Variants in DDX18 observed in about 807,000 individuals in gnomAD.
DDX18 encodes the protein ATP-dependent RNA helicase DDX18.
DDX18 carries 23 observed loss-of-function variants against 73.5 expected under a neutral mutation model. The observed-to-expected ratio is 0.31, with a 90% CI of 0.23 to 0.44. The LOEUF (loss-of-function observed/expected upper bound fraction) is 0.44, where lower values mean the gene tolerates loss of function less well. Among genes scored for constraint, DDX18 ranks in the 20% least tolerant of loss-of-function variants. DDX18 has a pLI of 1.00. For synonymous variants in DDX18, 268 were observed against 282.7 expected (o/e 0.95, Z 0.52); for missense variants, 753 against 792.9 (o/e 0.95, Z 0.60).
Position 117,826,319 on chromosome 2 carries a change from G to T in DDX18, c.1572G>T (p.Gly524=). Residue 524 remains glycine, a synonymous_variant, in exon 11 of 14, where the codon GGG becomes GGT. Transcript: ENST00000263239. ...CAGCCAGAGGCCTAAATGGGAGAGG[G>T]CATGCCTTGCTCATTTTGCGCCCAG... The part of the protein sequence containing the change: ...GRTARGLNGR[G]HALLILRPEE... The T allele has an allele frequency of 1.9e-6, 3 of 1,614,038 alleles. No individual in the cohort carries two copies. The highest frequency in any genetic ancestry group is 1.7e-6 in the Non-Finnish European group (2 of 1,180,002).
chr2:117,829,408 A>C lies in DDX18; in HGVS notation c.1812A>C (p.Leu604=). 3 of 1,614,070 alleles carry C rather than the reference A, an allele frequency of 1.9e-6. No individual in the cohort carries two copies. The South Asian group carries it at 3.3e-5, about 18-fold the overall frequency. ...AACAGATCTTTAATGTTAATAACCT[A>C]AATTTGCCTCAGGTTGCTCTGTCAT... ...SLKQIFNVNN[L]NLPQVALSFG... The change falls in exon 13 of 14, where the codon CTA becomes CTC. Residue 604 remains leucine, a synonymous_variant. Transcript: ENST00000263239.
chr2:117,830,166 G>A (rs1679997268), intron 13 of DDX18, among the ~76,000 whole-genome samples: 1 of 152,182 alleles, frequency 6.6e-6, no homozygotes, highest in Non-Finnish European at 1.5e-5. Context: ...TGTATGTCGA[G>A]TCCTGTGGAA....
intron 5 of DDX18, 54 bp downstream of exon 5, chr2:117,821,804 C>G: frequency 6.2e-7 from 1 of 1,612,966 alleles, no homozygotes; most frequent in Non-Finnish European, 8.5e-7. Flanking sequence ...TTTATTGTAG[C>G]TGTTACGGAC....
chr2:117,820,624 G>C (rs1177623248), intron 3 of DDX18, among the ~76,000 whole-genome samples: 1 of 152,220 alleles, frequency 6.6e-6, no homozygotes, highest in Non-Finnish European at 1.5e-5. Context: ...TACACCCTGG[G>C]CATGTGGAGT....
In DDX18 at chr2:117,821,192, A is replaced by G. The variant is rs775266032; in HGVS notation, c.546A>G (p.Leu182=). The G allele has an allele frequency of 1.9e-6, 3 of 1,606,276 alleles. No homozygotes were observed. Among genetic ancestry groups the G allele is most frequent in the African/African-American group, 2.7e-5 (2 of 74,670 alleles). The change falls in exon 4 of 14, where the codon CTA becomes CTG. Residue 182 remains leucine, a synonymous_variant. Coordinates refer to ENST00000263239, the MANE Select transcript of DDX18 (RefSeq NM_006773.4). ...TTGAGGATACTTCGTTTGCTTCTCT[A>G]TGTAATCTTGTCAATGAAAACACTC... is the stretch of plus-strand genomic sequence containing the variant. ...GAFEDTSFAS[L]CNLVNENTLK... is the part of the protein sequence containing the mutation.
chr2:117,826,731 A>T (rs1458724050), intron 11 of DDX18: 3 of 241,254 alleles, frequency 1.2e-5, no homozygotes, highest in Non-Finnish European at 2.5e-5. Flanking sequence ...CCTCATGTGA[A>T]GCAGTGGGGA....
chr2:117,828,949 GT>G lies in DDX18; in HGVS notation c.1638del (p.Pro547HisfsTer2). The G allele has an allele frequency of 1.9e-6, 3 of 1,601,708 alleles. No homozygotes were observed. Among genetic ancestry groups the G allele is most frequent in the Non-Finnish European group, 2.6e-6 (3 of 1,169,148 alleles). On this transcript the variant is annotated frameshift_variant and splice_region_variant, in exon 12 of 14. Transcript: ENST00000263239. LOFTEE classifies it high-confidence loss of function. ...GFLRYLKQSK[V>X]PLSEFDFSWS... ...TAATCTTAATACTTTTGATTTCTAG[GT>G]TCCATTAAGTGAATTTGACTTTTCC... is the stretch of plus-strand genomic sequence containing the variant.
In DDX18 at chr2:117,817,507, G is replaced by A. The variant is rs907003987; in HGVS notation, c.149G>A (p.Ser50Asn). Residue 50 changes from serine to asparagine, a missense_variant, in exon 2 of 14, where the codon AGT becomes AAT. By Grantham distance (46) the Ser-to-Asn change is conservative. This residue lies in a region of DDX18 where 345 missense variants were observed against 352.0 expected (regional missense o/e 0.98). Coordinates refer to ENST00000263239, the MANE Select transcript of DDX18 (RefSeq NM_006773.4). ...NGDVSEETMG[S>N]RKVKKSKQKP... The stretch of plus-strand genomic sequence containing the variant: ...GATGTATCTGAAGAAACAATGGGAA[G>A]TAGAAAGGTTAAAAAATCAAAACAA... 3.1e-6 allele frequency: 5 copies of A among 1,613,620 alleles called. No homozygotes were observed.
intron 4 of DDX18, 76 bp from the exon 5 acceptor site, chr2:117,821,574 G>A: frequency 6.7e-7 from 1 of 1,496,532 alleles, no homozygotes. Context: ...TAGCCGTAGT[G>A]CCTAAGGTGT....
At chr2:117,829,059 G>C in intron 12 of DDX18, 54 bp downstream of exon 12, 1 of 1,460,412 alleles carries the variant, frequency 6.8e-7, no homozygotes, top group Non-Finnish European at 9.6e-7. Context: ...CCAGCACTCT[G>C]TTTGTAGTGA....
rs141279997 is a variant in DDX18 at position 117,817,581 on chromosome 2, CAAG to C, written c.227_229del (p.Glu76del). 1,166 of 1,613,902 alleles carry C rather than the reference CAAG, an allele frequency of 7.2e-4. 15 individuals carry two copies. In the East Asian group the frequency reaches 0.018, roughly 26 times the overall value. On this transcript the variant is annotated inframe_deletion, in exon 2 of 14. Coordinates refer to ENST00000263239, the MANE Select transcript of DDX18 (RefSeq NM_006773.4). ...AGAAACTCAAAATGGAGGCATGTCT[CAAG>C]AAGCAGTGGGAAATATAAAAGTTAC...
intron 11 of DDX18, chr2:117,826,725 A>C: frequency 4.1e-6 from 1 of 246,828 alleles, no homozygotes. Flanking sequence ...CTCTTACCTC[A>C]TGTGAAGCAG....
chr2:117,821,941 C>T lies in DDX18; in HGVS notation c.831C>T (p.His277=), dbSNP rs1310142356. Residue 277 remains histidine (H), a synonymous_variant, in exon 6 of 14, where the codon CAC becomes CAT. Transcript: ENST00000263239. The part of the protein sequence containing the change: ...TFGVLKELMT[H]HVHTYGLIMG... ...GTGTTCTTAAGGAGCTGATGACTCA[C>T]CACGTGCATACCTATGGCTTGATAA... The T allele has an allele frequency of 6.2e-7, 1 of 1,614,068 alleles. No homozygotes were observed. Among genetic ancestry groups the T allele is most frequent in the Non-Finnish European group, 8.5e-7 (1 of 1,179,952 alleles).
Position 117,829,274 on chromosome 2 carries a change from TTC to T in DDX18, c.1693-13_1693-12del, listed in dbSNP as rs1175848730. 6.4e-7 allele frequency: 1 copy of T among 1,573,526 alleles called. No individual in the cohort carries two copies. Among genetic ancestry groups the T allele is most frequent in the Admixed American group, 2.0e-5 (1 of 50,472 alleles). On this transcript the variant is annotated splice_polypyrimidine_tract_variant and intron_variant, in intron 12 of 13. Transcript: ENST00000263239. ...TGTTTTTGTTTATTAAAACCAGTGT[TTC>T]TTTCTATTTCAGCTTGAGAAATTGA... is the stretch of plus-strand genomic sequence containing the variant.
intron 7 of DDX18, chr2:117,822,920 T>G (rs1679870705): frequency 6.6e-6 from 1 of 152,562 alleles, no homozygotes. Context: ...AACAGTCATC[T>G]ACAACTCTTT....
chr2:117,820,086 A>G (rs534113520), intron 3 of DDX18, among the ~76,000 whole-genome samples: 1 of 152,108 alleles, frequency 6.6e-6, no homozygotes, highest in South Asian at 2.1e-4. Context: ...GTCTCATTCT[A>G]TGTTGTAATA....
At chr2:117,816,877 T>G (rs996024995) in intron 1 of DDX18, among the ~76,000 whole-genome samples, 1 of 152,212 alleles carries the variant, frequency 6.6e-6, no homozygotes, top group Non-Finnish European at 1.5e-5. Context: ...ATGGAGCCAC[T>G]GTATATGTTG....
intron 10 of DDX18, 63 bp downstream of exon 10, chr2:117,825,662 A>G (rs1679914240): frequency 3.2e-6 from 5 of 1,578,878 alleles, no homozygotes; most frequent in African/African-American, 2.7e-5. Context: ...TTATTCTCCC[A>G]GTTCCCTGAC....
rs1679895937 is a variant in DDX18, at chr2:117,824,665, T to C, written c.1163T>C (p.Val388Ala). ...AAAAAGGAGCCATTGTATGTTGGCG[T>C]TGATGATGATAAAGCGAATGCAACA... ...SLKKEPLYVG[V>A]DDDKANATVD... The change falls in exon 8 of 14, where the codon GTT becomes GCT. Residue 388 changes from valine to alanine, a missense_variant. Val to Ala is a moderately conservative substitution (Grantham distance 64). Around this residue, in one of 3 missense-constraint regions of DDX18, gnomAD observed 402 missense variants for 419.4 expected, o/e 0.96. Transcript: ENST00000263239. 1.3e-6 allele frequency: 2 copies of C among 1,491,402 alleles called. No individual in the cohort carries two copies. Among genetic ancestry groups the C allele is most frequent in the Middle Eastern group, 1.8e-4 (1 of 5,602 alleles). The allele number at this position is 1,491,402 out of a possible 1,614,324, so 92.4% of individuals were successfully genotyped here. A position where few individuals can be genotyped will look rare whatever the true frequency, so the allele number is the denominator to read the frequency against.
Sources: gnomAD v4.1 joint callset for allele counts (sites outside exome capture counted in the v4.1 genomes callset) on GRCh38, gnomAD v4.1.1 for gene constraint, gnomAD v4.1.1 regional missense constraint, MANE v1.5 for transcripts, NCBI Gene and HGNC (gene_info 2026-07-23, HGNC 2026-07-21) for gene names.